The following NCOR1 variants were observed in gnomAD, a reference collection of about 807,000 sequenced individuals.
NCOR1 encodes protein phosphatase 1, regulatory subunit 109.
NCOR1 carries 63 observed loss-of-function variants against 288.1 expected under a neutral mutation model. The ratio of observed to expected loss-of-function variants is 0.22; its 90% confidence interval spans 0.18 to 0.27. The LOEUF is 0.27. NCOR1 is among the 10% of genes least tolerant of loss of function. NCOR1 has a pLI of 1.00. For synonymous variants in NCOR1, 1,007 were observed against 1,065.9 expected (o/e 0.94, Z 1.08); for missense variants, 2,397 against 3,019.2 (o/e 0.79, Z 4.83).
intron 19 of NCOR1, among the ~76,000 whole-genome samples, chr17:16,102,675 C>A (rs1169557840): frequency 6.6e-6 from 1 of 152,028 alleles, no homozygotes; most frequent in Non-Finnish European, 1.5e-5. Context: ...CTCACTGCAG[C>A]CTCCGCCTCC....
In NCOR1 at chr17:16,058,849, C is replaced by T. The variant is rs374976716; in HGVS notation, c.5882-250G>A. ...ATCACCTGAGGTCAGGGGTTTGAGA[C>T]CAGCCTGACCAACGTGGAGAAACCC... On this transcript the variant is annotated intron_variant, in intron 37 of 45. Transcript: ENST00000268712. Among the ~76,000 whole-genome samples, 48 of 151,694 alleles carry T rather than the reference C, an allele frequency of 3.2e-4. 1 individual carries two copies. In the East Asian group the frequency reaches 3.7e-3, roughly 12 times the overall value.
intron 42 of NCOR1, 106 bp downstream of exon 42, chr17:16,046,845 G>C (rs962747297): frequency 1.5e-6 from 2 of 1,292,014 alleles, no homozygotes; most frequent in Non-Finnish European, 2.1e-6. Flanking sequence ...TTGGACAGAT[G>C]TCCTGTAAAG....
chr17:16,177,941 G>A (rs937892166), intron 3 of NCOR1, among the ~76,000 whole-genome samples: 2 of 152,158 alleles, frequency 1.3e-5, no homozygotes, highest in South Asian at 4.1e-4. Context: ...CAGGCACAGT[G>A]GCTCACGCCT....
chr17:16,052,948 A>T (rs966537665), intron 40 of NCOR1, among the ~76,000 whole-genome samples: 2 of 151,910 alleles, frequency 1.3e-5, no homozygotes, highest in African/African-American at 4.8e-5. Context: ...TTCAATATAC[A>T]CAAATATCAA....
At chr17:16,058,862 C>T (rs1185927826) in intron 37 of NCOR1, among the ~76,000 whole-genome samples, 1 of 151,510 alleles carries the variant, frequency 6.6e-6, no homozygotes, top group Non-Finnish European at 1.5e-5. Context: ...GCCTGACCAA[C>T]GTGGAGAAAC....
intron 22 of NCOR1, among the ~76,000 whole-genome samples, chr17:16,089,310 G>T (rs748401555): frequency 2.0e-5 from 3 of 152,070 alleles, no homozygotes; most frequent in Non-Finnish European, 4.4e-5. Flanking sequence ...ATTTGCATTA[G>T]AAGTTCAATT....
chr17:16,070,502 G>A lies in NCOR1; in HGVS notation c.4176C>T (p.Asn1392=). Residue 1392 remains asparagine, a synonymous_variant, in exon 31 of 46, where the codon AAC becomes AAT. Coordinates refer to ENST00000268712, the MANE Select transcript of NCOR1 (RefSeq NM_006311.4). ...ISQGTPIKFD[N]NSGQSAIKHN... is the part of the protein sequence containing the mutation. ...GTTTGATGGCAGATTGACCTGAGTT[G>A]TTGTCAAACTTTATTGGTGTGCCCT... 1 of 1,614,090 alleles carries A rather than the reference G, an allele frequency of 6.2e-7. No individual in the cohort carries two copies. Among genetic ancestry groups the A allele is most frequent in the Non-Finnish European group, 8.5e-7 (1 of 1,179,934 alleles).
intron 5 of NCOR1, among the ~76,000 whole-genome samples, chr17:16,159,362 G>A (rs1439884461): frequency 1.5e-5 from 2 of 136,200 alleles, no homozygotes; most frequent in East Asian, 2.2e-4. Flanking sequence ...GCAGTGAGTC[G>A]AGATAACGCC....
intron 18 of NCOR1, among the ~76,000 whole-genome samples, chr17:16,112,832 CACTT>C (rs1342234270): frequency 3.9e-5 from 6 of 152,006 alleles, no homozygotes; most frequent in African/African-American, 1.4e-4. Flanking sequence ...GCCAGATAGA[CACTT>C]ACTATATCAG....
intron 10 of NCOR1, among the ~76,000 whole-genome samples, chr17:16,144,680 T>A (rs939625632): frequency 2.6e-5 from 4 of 152,158 alleles, no homozygotes; most frequent in African/African-American, 9.7e-5. Context: ...TTATAAACTT[T>A]CTTCATGATC....
intron 13 of NCOR1, 71 bp downstream of exon 13, chr17:16,138,087 C>CAA (rs2076680452): frequency 5.4e-6 from 7 of 1,291,536 alleles, no homozygotes; most frequent in African/African-American, 1.5e-5. Context: ...TTATATGTGT[C>CAA]AGAGCACAAG....
intron 18 of NCOR1, among the ~76,000 whole-genome samples, chr17:16,116,726 T>C (rs981831441): frequency 1.1e-4 from 16 of 148,256 alleles, no homozygotes; most frequent in Admixed American, 1.1e-3. Flanking sequence ...AGCAGAACTT[T>C]ATGTTTACTT....
At chr17:16,072,069 C>A in intron 29 of NCOR1, 76 bp downstream of exon 29, 5 of 1,135,596 alleles carry the variant, frequency 4.4e-6, no homozygotes, top group Non-Finnish European at 6.4e-6. Context: ...AGCAGAAATA[C>A]ACTGTAAATT....
chr17:16,061,937 T>C, intron 36 of NCOR1, 43 bp from the exon 37 acceptor site: 4 of 1,570,252 alleles, frequency 2.5e-6, no homozygotes, highest in African/African-American at 1.4e-5. Flanking sequence ...GGGAAGACCA[T>C]TTGCTGGGAA....
At chr17:16,133,695 G>A (rs769069077) in intron 14 of NCOR1, among the ~76,000 whole-genome samples, 16 of 151,974 alleles carry the variant, frequency 1.1e-4, no homozygotes, top group Admixed American at 3.3e-4. Context: ...ACTTTACTTG[G>A]ACCTCATTTG....
At chr17:16,076,952 C>T (rs2062552144) in intron 26 of NCOR1, among the ~76,000 whole-genome samples, 2 of 152,232 alleles carry the variant, frequency 1.3e-5, no homozygotes, top group Admixed American at 1.3e-4. Flanking sequence ...TCCACGACAA[C>T]ACCTGTGTCA....
At chr17:16,060,089 A>AGG (rs1307905597) in intron 37 of NCOR1, among the ~76,000 whole-genome samples, 1 of 152,198 alleles carries the variant, frequency 6.6e-6, no homozygotes, top group Non-Finnish European at 1.5e-5. Context: ...TGAAGCCTTA[A>AGG]GGGGCAAGAC....
intron 18 of NCOR1, among the ~76,000 whole-genome samples, chr17:16,112,683 G>T (rs1486543947): frequency 6.6e-6 from 1 of 152,046 alleles, no homozygotes; most frequent in Non-Finnish European, 1.5e-5. Flanking sequence ...TAGAGACAGG[G>T]TTTCACCACG....
At chr17:16,065,234 A>G (rs551034897) in intron 33 of NCOR1, among the ~76,000 whole-genome samples, 1 of 152,338 alleles carries the variant, frequency 6.6e-6, no homozygotes, top group South Asian at 2.1e-4. Flanking sequence ...TGGGCAGATT[A>G]AAGAGAGCAA....
Sources: gnomAD v4.1 joint callset for allele counts (sites outside exome capture counted in the v4.1 genomes callset) on GRCh38, gnomAD v4.1.1 for gene constraint, MANE v1.5 for transcripts, NCBI Gene and HGNC (gene_info 2026-07-23, HGNC 2026-07-21) for gene names.